The following PCTP variants were observed in gnomAD, a reference collection of about 807,000 sequenced individuals.
The protein encoded by PCTP is START domain-containing protein 2.
In PCTP, 27 loss-of-function variants were observed where a neutral mutation model predicts 31.0. The observed-to-expected ratio is 0.87, with a 90% CI of 0.64 to 1.20. The LOEUF is 1.20. Among genes scored for constraint, PCTP ranks in the 50% most tolerant of loss-of-function variants. The pLI, the probability that PCTP is intolerant of heterozygous loss-of-function variation, is 0.00. For synonymous variants in PCTP, 108 were observed against 101.2 expected (o/e 1.07, Z -0.40); for missense variants, 287 against 268.2 (o/e 1.07, Z -0.49).
At chr17:55,759,466 A>T (rs1402512233) in intron 1 of PCTP, among the ~76,000 whole-genome samples, 1 of 152,220 alleles carries the variant, frequency 6.6e-6, no homozygotes, top group Non-Finnish European at 1.5e-5. Context: ...CAGCAGCTGC[A>T]GCTTTGACTT....
At chr17:55,804,405 AC>A (rs749185805) in intron 3 of PCTP, among the ~76,000 whole-genome samples, 109 of 152,224 alleles carry the variant, frequency 7.2e-4, no homozygotes, top group Non-Finnish European at 1.4e-3. Context: ...CTATAAAGAC[AC>A]ATGCGCATGT....
chr17:55,840,927 C>T (rs555077308), intron 5 of PCTP, among the ~76,000 whole-genome samples: 21 of 152,270 alleles, frequency 1.4e-4, no homozygotes, highest in African/African-American at 5.1e-4. Flanking sequence ...AGTCTGAAAT[C>T]CTAAACACTT....
In PCTP at chr17:55,810,099, A is replaced by G. The variant is rs559699588; in HGVS notation, c.318-12662A>G. Among the ~76,000 whole-genome samples the G allele has an allele frequency of 5.3e-5, 8 of 152,162 alleles. 1 individual carries two copies. The South Asian group carries it at 1.7e-3, about 32-fold the overall frequency. On this transcript the variant is annotated intron_variant, in intron 3 of 3. Transcript: ENST00000572536. The stretch of plus-strand genomic sequence containing the variant: ...CAGTGGTGGGATCATCACTCACTGC[A>G]ACATTAAACTCCCAGGCTCAAATGA...
chr17:55,771,921 T>C (rs908011603), intron 3 of PCTP, among the ~76,000 whole-genome samples: 1 of 152,164 alleles, frequency 6.6e-6, no homozygotes, highest in African/African-American at 2.4e-5. Flanking sequence ...CGGAGTGTTT[T>C]ACAGGTTCAA....
At chr17:55,783,879 C>T (rs1389361415) in intron 2 of PCTP, among the ~76,000 whole-genome samples, 2 of 152,162 alleles carry the variant, frequency 1.3e-5, no homozygotes, top group African/African-American at 4.8e-5. Flanking sequence ...CTGGAGAGCG[C>T]CTGCCAGGGA....
chr17:55,817,826 A>G (rs893648081), intron 3 of PCTP, among the ~76,000 whole-genome samples: 1 of 152,226 alleles, frequency 6.6e-6, no homozygotes, highest in Non-Finnish European at 1.5e-5. Flanking sequence ...TCTGTCTACA[A>G]GAGCTCATCC....
intron 1 of PCTP, 191 bp downstream of exon 1, chr17:55,751,435 G>A (rs1359757420): frequency 6.5e-7 from 1 of 1,534,004 alleles, no homozygotes; most frequent in South Asian, 1.2e-5. Flanking sequence ...TGACTGCCGT[G>A]CAGATCCAGG....
intron 5 of PCTP, among the ~76,000 whole-genome samples, chr17:55,834,819 A>G (rs1905724677): frequency 6.6e-6 from 1 of 152,166 alleles, no homozygotes; most frequent in South Asian, 2.1e-4. Context: ...CCAGGTGGTA[A>G]TTCTAAGGGT....
At chr17:55,810,280 G>A (rs1912706979) in intron 3 of PCTP, among the ~76,000 whole-genome samples, 2 of 152,220 alleles carry the variant, frequency 1.3e-5, no homozygotes, top group Non-Finnish European at 1.5e-5. Context: ...GCTTCCCAAA[G>A]CATTGGGATT....
chr17:55,769,399 C>A (rs973743295), intron 2 of PCTP: 6 of 152,286 alleles, frequency 3.9e-5, no homozygotes, highest in African/African-American at 1.4e-4. Flanking sequence ...GCCTCCCTTG[C>A]AGCCAAGATA....
the PCTP span, among the ~76,000 whole-genome samples, chr17:55,849,212 A>G: frequency 6.6e-6 from 1 of 152,232 alleles, no homozygotes; most frequent in African/African-American, 2.4e-5. Flanking sequence ...AAAAGAGCCA[A>G]AATAGAAATT....
At chr17:55,770,567 G>C (rs917013907) in intron 2 of PCTP, 15 of 152,144 alleles carry the variant, frequency 9.9e-5, no homozygotes, top group African/African-American at 3.6e-4. Context: ...GCCAAGATTT[G>C]TTGGCTTCTT....
chr17:55,797,541 A>G (rs992416917), intron 3 of PCTP, among the ~76,000 whole-genome samples: 3 of 152,104 alleles, frequency 2.0e-5, no homozygotes, highest in East Asian at 1.9e-4. Flanking sequence ...GTATGGCACA[A>G]AATTTTAGGA....
chr17:55,795,132 G>A (rs1912142400), intron 3 of PCTP, among the ~76,000 whole-genome samples: 1 of 151,918 alleles, frequency 6.6e-6, no homozygotes, highest in Admixed American at 6.6e-5. Flanking sequence ...TTTCTAAAGA[G>A]CTATCCCCCT....
downstream of PCTP, among the ~76,000 whole-genome samples, chr17:55,779,890 A>G (rs1485700970): frequency 1.3e-5 from 2 of 152,132 alleles, no homozygotes; most frequent in East Asian, 3.9e-4. Flanking sequence ...GGGACCACCC[A>G]TGCACATCCC....
chr17:55,829,498 G>A (rs1905522992), intron 5 of PCTP, among the ~76,000 whole-genome samples: 2 of 152,050 alleles, frequency 1.3e-5, no homozygotes, highest in South Asian at 4.1e-4. Flanking sequence ...AGTAGAGATG[G>A]GGTTTCAAAC....
intron 2 of PCTP, chr17:55,769,595 G>C (rs907108700): frequency 6.6e-6 from 1 of 152,168 alleles, no homozygotes; most frequent in Non-Finnish European, 1.5e-5. Context: ...TTTCACTCTG[G>C]GTTCTCATCC....
rs572002210 is a variant in PCTP at position 55,760,172 on chromosome 17, A to T, written c.142-7163A>T. Among the ~76,000 whole-genome samples, 3 of 152,314 alleles carry T rather than the reference A, an allele frequency of 2.0e-5. No individual in the cohort carries two copies. In the South Asian group the frequency reaches 6.2e-4, roughly 32 times the overall value. On this transcript the variant is annotated intron_variant, in intron 1 of 5. Coordinates refer to ENST00000268896, the MANE Select transcript of PCTP (RefSeq NM_021213.4). ...CTTCACTTATAAAGTGGAGTTAATG[A>T]TGCTTACATCACAGGATTATTGCAA...
chr17:55,782,601 T>A (rs573711946), intron 2 of PCTP, among the ~76,000 whole-genome samples: 26 of 152,206 alleles, frequency 1.7e-4, no homozygotes, highest in Non-Finnish European at 3.1e-4. Flanking sequence ...TAGGCTTCTT[T>A]GATCCTAGAT....
Sources: allele counts gnomAD v4.1 joint callset (sites outside exome capture counted in the v4.1 genomes callset), GRCh38; gene constraint gnomAD v4.1.1; transcripts MANE v1.5; gene names NCBI Gene and HGNC (gene_info 2026-07-23, HGNC 2026-07-21).